The following EEPD1 variants were observed in gnomAD, a reference collection of about 807,000 sequenced individuals.
EEPD1 encodes endonuclease/exonuclease/phosphatase family domain-containing protein 1.
EEPD1 carries 17 observed loss-of-function variants against 46.3 expected under a neutral mutation model. The observed-to-expected ratio is 0.37, with a 90% CI of 0.25 to 0.55. EEPD1 has a LOEUF of 0.55. EEPD1 is among the 20% of genes least tolerant of loss of function. EEPD1 has a pLI of 0.83. For synonymous variants in EEPD1, 313 were observed against 315.6 expected, an observed-to-expected ratio of 0.99 and a Z score of 0.09; for missense variants, 673 against 745.6, an observed-to-expected ratio of 0.90 and a Z score of 1.13.
chr7:36,205,849 A>C (rs1785805830), intron 2 of EEPD1, among the ~76,000 whole-genome samples: 1 of 152,192 alleles, frequency 6.6e-6, no homozygotes, highest in Non-Finnish European at 1.5e-5. Context: ...AGGATAGCAG[A>C]GAGTGGCACA....
intron 3 of EEPD1, among the ~76,000 whole-genome samples, chr7:36,245,258 T>C (rs1170499406): frequency 6.6e-6 from 1 of 152,168 alleles, no homozygotes; most frequent in Admixed American, 6.5e-5. Flanking sequence ...ACAGAGTTGA[T>C]TCTTGATCAC....
chr7:36,284,873 A>G (rs1787320278), intron 5 of EEPD1, 53 bp downstream of exon 5: 1 of 1,434,502 alleles, frequency 7.0e-7, no homozygotes, highest in Admixed American at 2.6e-5. Flanking sequence ...CTAAAAAGGA[A>G]AGAAAAGGGC....
intron 3 of EEPD1, among the ~76,000 whole-genome samples, chr7:36,270,274 CTTGTA>C (rs1349649451): frequency 2.0e-5 from 3 of 152,026 alleles, no homozygotes; most frequent in Non-Finnish European, 4.4e-5. Flanking sequence ...TTATCCTGCA[CTTGTA>C]TTTATTTATA....
chr7:36,198,336 A>G (rs13245604), intron 2 of EEPD1, among the ~76,000 whole-genome samples: 1 of 108,740 alleles, frequency 9.2e-6, no homozygotes, highest in African/African-American at 3.0e-5. Context: ...AAAAAAAAAA[A>G]GAAAAGAAAA....
At chr7:36,287,303 C>T (rs1787355142) in intron 5 of EEPD1, among the ~76,000 whole-genome samples, 1 of 148,926 alleles carries the variant, frequency 6.7e-6, no homozygotes, top group East Asian at 2.0e-4. Flanking sequence ...GCCTGGCCTT[C>T]CACCTCCTTC....
At chr7:36,197,472 A>G (rs991506259) in intron 2 of EEPD1, among the ~76,000 whole-genome samples, 5 of 152,248 alleles carry the variant, frequency 3.3e-5, no homozygotes, top group East Asian at 1.9e-4. Context: ...GGAATAGAAA[A>G]GGGGGCAAGG....
In EEPD1 at chr7:36,193,627, C is replaced by T. The variant is rs1276936931; in HGVS notation, c.878+38425C>T. Among the ~76,000 whole-genome samples the T allele has an allele frequency of 1.3e-5, 2 of 152,154 alleles. No homozygotes were observed. Among genetic ancestry groups the T allele is most frequent in the Admixed American group, 1.3e-4 (2 of 15,290 alleles). On this transcript the variant is annotated intron_variant, in intron 2 of 7. Transcript: ENST00000242108. This position sits in a 1 kb window ranked among gnomAD's most constrained non-coding sequence, Gnocchi z 4.9. ...GTGTCTAGAAAAGCTCCAGGGACCA[C>T]GGCCTTCAGATGGCCCTGCCTGTGG...
intron 2 of EEPD1, among the ~76,000 whole-genome samples, chr7:36,217,473 C>A (rs1028372814): frequency 1.3e-5 from 2 of 152,212 alleles, no homozygotes; most frequent in Non-Finnish European, 2.9e-5. Flanking sequence ...TTTACTGCAG[C>A]CTCTTTTATC....
rs560123214 is a variant in EEPD1 at position 36,293,734 on chromosome 7, C to T, written c.1316-3259C>T. On this transcript the variant is annotated intron_variant, in intron 6 of 7. Coordinates refer to ENST00000242108, the MANE Select transcript of EEPD1 (RefSeq NM_030636.3). ...ACCCCAGCACTTTGGGAGGCCAAGG[C>T]GGACAGATCACCTGAGGTCAGGAGT... Among the ~76,000 whole-genome samples the T allele has an allele frequency of 7.2e-5, 11 of 152,214 alleles. No individual in the cohort carries two copies. The East Asian group carries it at 9.7e-4, about 13-fold the overall frequency.
At chr7:36,224,079 T>C (rs1786191012) in intron 2 of EEPD1, among the ~76,000 whole-genome samples, 1 of 152,252 alleles carries the variant, frequency 6.6e-6, no homozygotes, top group Non-Finnish European at 1.5e-5. Flanking sequence ...AACTTTCTAA[T>C]GGACTTTCCT....
intron 3 of EEPD1, among the ~76,000 whole-genome samples, chr7:36,255,842 C>A (rs1025778290): frequency 7.2e-5 from 11 of 151,884 alleles, no homozygotes; most frequent in Non-Finnish European, 1.2e-4. Context: ...CTTCTCTTAT[C>A]TTAATTATTT....
At chr7:36,168,244 A>G (rs1275919157) in intron 2 of EEPD1, among the ~76,000 whole-genome samples, 2 of 152,238 alleles carry the variant, frequency 1.3e-5, no homozygotes, top group Non-Finnish European at 2.9e-5. Context: ...ATTTTACCCC[A>G]CATGCTGTTG....
chr7:36,266,897 A>G (rs1485748828), intron 3 of EEPD1, among the ~76,000 whole-genome samples: 2 of 152,222 alleles, frequency 1.3e-5, no homozygotes, highest in Non-Finnish European at 2.9e-5. Context: ...TCCATGTATC[A>G]GTACTTCATT....
chr7:36,210,376 T>C (rs181827346), intron 2 of EEPD1, among the ~76,000 whole-genome samples: 1 of 152,356 alleles, frequency 6.6e-6, no homozygotes, highest in East Asian at 1.9e-4. Context: ...GAAATCCCCA[T>C]GGAATTTTTA....
At chr7:36,283,929 C>T (rs1787299446) in intron 4 of EEPD1, among the ~76,000 whole-genome samples, 1 of 152,228 alleles carries the variant, frequency 6.6e-6, no homozygotes, top group Admixed American at 6.5e-5. Flanking sequence ...TTCTCATGGA[C>T]AGCAGAGGCT....
At chr7:36,249,492 G>A (rs1786698503) in intron 3 of EEPD1, among the ~76,000 whole-genome samples, 1 of 152,188 alleles carries the variant, frequency 6.6e-6, no homozygotes, top group South Asian at 2.1e-4. Context: ...CTATGAATAA[G>A]TGGGAGGCAG....
chr7:36,293,102 T>A (rs1337771104), intron 6 of EEPD1, among the ~76,000 whole-genome samples: 13 of 152,052 alleles, frequency 8.5e-5, no homozygotes, highest in African/African-American at 3.1e-4. Context: ...AATAAAAAAA[T>A]TTAAAAATAA....
intron 3 of EEPD1, among the ~76,000 whole-genome samples, chr7:36,254,123 T>G (rs1385802867): frequency 6.6e-6 from 1 of 152,224 alleles, no homozygotes; most frequent in African/African-American, 2.4e-5. Flanking sequence ...GAGCTAGGAT[T>G]TACCATATGT....
chr7:36,224,209 C>T (rs191556126), intron 2 of EEPD1, among the ~76,000 whole-genome samples: 3 of 152,320 alleles, frequency 2.0e-5, no homozygotes, highest in East Asian at 1.9e-4. Context: ...AGTCTTTGGT[C>T]AGCAGCCAGC....
Sources: allele counts gnomAD v4.1 joint callset (sites outside exome capture counted in the v4.1 genomes callset), GRCh38; gene constraint gnomAD v4.1.1; non-coding constraint Gnocchi (gnomAD v3.1); transcripts MANE v1.5; gene names NCBI Gene and HGNC (gene_info 2026-07-23, HGNC 2026-07-21).